The following INSL6 variants were observed in gnomAD, a reference collection of about 807,000 sequenced individuals.
INSL6 encodes insulin like 6.
Under a neutral mutation model 9.4 loss-of-function variants are expected in INSL6, and 16 were observed. The observed-to-expected ratio is 1.70, with a 90% CI of 1.15 to 2.59. The LOEUF (loss-of-function observed/expected upper bound fraction) is 2.59, where lower values mean the gene tolerates loss of function less well. INSL6 is among the 30% of genes most tolerant of loss of function. The pLI is 0.00. For synonymous variants in INSL6, 154 were observed against 96.9 expected (o/e 1.59, Z -3.46); for missense variants, 391 against 257.3 (o/e 1.52, Z -3.56).
chr9:5,054,685 C>T, the INSL6 span: 7 of 1,613,290 alleles, frequency 4.3e-6, no homozygotes, highest in Non-Finnish European at 5.9e-6. The surrounding 1 kb of genome is among the most constrained non-coding windows in gnomAD (Gnocchi z 4.9). Flanking sequence ...TGCAAAGCCA[C>T]TGCCAGAAAC....
the INSL6 span, among the ~76,000 whole-genome samples, chr9:5,069,433 CATA>C: frequency 1.3e-5 from 2 of 152,092 alleles, no homozygotes; most frequent in African/African-American, 4.8e-5. Context: ...AGATTTTAAA[CATA>C]ATGTGTGGTA....
the INSL6 span, among the ~76,000 whole-genome samples, chr9:5,010,330 CTT>C: frequency 1.4e-5 from 2 of 144,460 alleles, no homozygotes. Flanking sequence ...TGTCAGTTGT[CTT>C]TTTTTTTTTT....
the INSL6 span, chr9:5,091,100 A>G: frequency 8.6e-6 from 4 of 466,498 alleles, no homozygotes; most frequent in African/African-American, 8.2e-5. Context: ...AAAATGGCAT[A>G]TGCTTTATTT....
At chr9:5,177,278 G>A (rs914493441) in intron 1 of INSL6, among the ~76,000 whole-genome samples, 4 of 152,156 alleles carry the variant, frequency 2.6e-5, no homozygotes, top group African/African-American at 9.7e-5. Flanking sequence ...GGAACAGCAG[G>A]GAGCCAAAGG....
chr9:5,103,515 G>C, the INSL6 span, among the ~76,000 whole-genome samples: 2 of 152,098 alleles, frequency 1.3e-5, no homozygotes, highest in African/African-American at 2.4e-5. Context: ...AGATCAATGA[G>C]ACAGAAGGTT....
chr9:5,131,995 T>C (rs957119057), intron 3 of INSL6: 1 of 152,182 alleles, frequency 6.6e-6, no homozygotes, highest in African/African-American at 2.4e-5. Context: ...TACCACTTTT[T>C]TTTACCTTTA....
At chr9:5,075,871 G>C in the INSL6 span, among the ~76,000 whole-genome samples, 1 of 152,146 alleles carries the variant, frequency 6.6e-6, no homozygotes. Flanking sequence ...CTTATGGAAA[G>C]GATTCACCAT....
chr9:5,012,788 G>A, the INSL6 span, among the ~76,000 whole-genome samples: 1 of 152,142 alleles, frequency 6.6e-6, no homozygotes, highest in Non-Finnish European at 1.5e-5. Flanking sequence ...AGCAAGAGTT[G>A]TATGATGAGG....
chr9:5,112,669 G>A, the INSL6 span: 13 of 951,422 alleles, frequency 1.4e-5, no homozygotes, highest in Middle Eastern at 2.4e-4. Context: ...TCCTGCACCA[G>A]GCCGTCTCGG....
At position 5,185,338 on chromosome 9, in the gene INSL6, C is replaced by A. The variant is rs144467909; in HGVS notation, c.265G>T (p.Ala89Ser). The change falls in exon 1 of 2, where the codon GCC becomes TCC. Residue 89 changes from alanine (A) to serine (S), a missense_variant. Ala to Ser is a moderately conservative substitution (Grantham distance 99). Coordinates refer to ENST00000381641, the MANE Select transcript of INSL6 (RefSeq NM_007179.3). ...CCTGGGTTTGTGCCTCTTCCCCGGG[C>A]CGGGGAAGCGGTTTGCGGGCTTTCG... Reference protein sequence around the residue: ...QFESPQTASPARGRGTNPVST... With the variant: ...QFESPQTASPSRGRGTNPVST... 4.3e-6 allele frequency: 7 copies of A among 1,613,992 alleles called. No individual in the cohort carries two copies. The African/African-American group carries it at 6.7e-5, about 15-fold the overall frequency.
chr9:5,023,789 C>T, the INSL6 span, among the ~76,000 whole-genome samples: 1 of 152,160 alleles, frequency 6.6e-6, no homozygotes, highest in East Asian at 1.9e-4. Context: ...TATGAGAGAC[C>T]TCTGGTCAGT....
At chr9:5,085,765 G>A in the INSL6 span, 3 of 754,210 alleles carry the variant, frequency 4.0e-6, no homozygotes, top group East Asian at 2.5e-5. Flanking sequence ...TGCACATGTC[G>A]GGAGTTATTA....
chr9:5,102,589 G>A, the INSL6 span, among the ~76,000 whole-genome samples: 2 of 152,078 alleles, frequency 1.3e-5, no homozygotes, highest in African/African-American at 4.8e-5. Flanking sequence ...ACACGTAATT[G>A]TCATATTCAC....
chr9:5,172,995 G>T (rs1825216968), intron 1 of INSL6, among the ~76,000 whole-genome samples: 1 of 151,678 alleles, frequency 6.6e-6, no homozygotes, highest in Admixed American at 6.6e-5. Flanking sequence ...CATTCATGCA[G>T]CCAACAGACA....
At chr9:5,040,406 AG>A in the INSL6 span, among the ~76,000 whole-genome samples, 1 of 152,250 alleles carries the variant, frequency 6.6e-6, no homozygotes. Flanking sequence ...GTGGTTTCTT[AG>A]ATATGACACC....
the INSL6 span, among the ~76,000 whole-genome samples, chr9:5,087,999 C>G: frequency 3.4e-4 from 51 of 152,062 alleles, no homozygotes; most frequent in Non-Finnish European, 5.7e-4. Context: ...ATTTTATGAA[C>G]ACATTGTTAA....
chr9:5,121,804 G>A (rs1823634768), downstream of INSL6, among the ~76,000 whole-genome samples: 2 of 152,058 alleles, frequency 1.3e-5, no homozygotes, highest in African/African-American at 4.8e-5. Context: ...CCTTACATAA[G>A]TGATAGAACA....
intron 3 of INSL6, chr9:5,127,146 G>A (rs1824051052): frequency 3.9e-6 from 1 of 259,498 alleles, no homozygotes; most frequent in Non-Finnish European, 7.4e-6. Flanking sequence ...AAGATGCACA[G>A]AATATGTATG....
the INSL6 span, among the ~76,000 whole-genome samples, chr9:5,023,493 G>A: frequency 2.0e-5 from 3 of 152,184 alleles, no homozygotes; most frequent in African/African-American, 4.8e-5. Context: ...CTTTTGTGCT[G>A]TCTCTGGGCA....
Sources: gnomAD v4.1 joint callset for allele counts (sites outside exome capture counted in the v4.1 genomes callset) on GRCh38, gnomAD v4.1.1 for gene constraint, Gnocchi (gnomAD v3.1) non-coding constraint, MANE v1.5 for transcripts, NCBI Gene and HGNC (gene_info 2026-07-23, HGNC 2026-07-21) for gene names.